SRPK2: variants seen among roughly 807,000 people sequenced by gnomAD.
The protein encoded by SRPK2 is SRSF protein kinase 2, also known as SFRS protein kinase 2.
In SRPK2, 21 loss-of-function variants were observed where a neutral mutation model predicts 90.8. That is an observed-to-expected ratio of 0.23 (90% CI 0.16 to 0.33). The LOEUF (loss-of-function observed/expected upper bound fraction) is 0.33, where lower values mean the gene tolerates loss of function less well. SRPK2 is among the 10% of genes least tolerant of loss of function. The pLI, the probability that SRPK2 is intolerant of heterozygous loss-of-function variation, is 1.00. For missense variants in SRPK2, 620 were observed against 869.0 expected, an observed-to-expected ratio of 0.71 and a Z score of 3.60; for synonymous variants, 288 against 311.1, an observed-to-expected ratio of 0.93 and a Z score of 0.78.
intron 2 of SRPK2, among the ~76,000 whole-genome samples, chr7:105,345,217 G>C (rs1816319487): frequency 6.6e-6 from 1 of 151,792 alleles, no homozygotes; most frequent in Admixed American, 6.6e-5. Context: ...AGGGAGGAAA[G>C]GAAACTTGCT....
chr7:105,211,497 C>T (rs191604692), intron 2 of SRPK2, among the ~76,000 whole-genome samples: 5 of 152,182 alleles, frequency 3.3e-5, no homozygotes, highest in African/African-American at 1.2e-4. Flanking sequence ...AGGAAACTTA[C>T]AATCATGGTG....
chr7:105,331,308 CAAAAAAAAA>C (rs57653042), intron 2 of SRPK2, among the ~76,000 whole-genome samples: 312 of 45,086 alleles, frequency 6.9e-3, no homozygotes, highest in Middle Eastern at 0.028. Context: ...GACTCCGTCT[CAAAAAAAAA>C]AAAAAAAAAA....
At chr7:105,393,813 C>T (rs57212372), upstream of SRPK2, among the ~76,000 whole-genome samples, 429 of 152,136 alleles carry the variant, frequency 2.8e-3, 10 homozygotes, top group East Asian at 0.055. Flanking sequence ...TTTATAATTT[C>T]AGCATTTTGG....
intron 3 of SRPK2, among the ~76,000 whole-genome samples, chr7:105,199,748 T>C (rs1405376290): frequency 1.3e-5 from 2 of 152,170 alleles, no homozygotes; most frequent in Non-Finnish European, 2.9e-5. Flanking sequence ...TCAAAACATA[T>C]GTAAATATAT....
chr7:105,304,525 A>G (rs1340159008), intron 2 of SRPK2: 1 of 152,262 alleles, frequency 6.6e-6, no homozygotes, highest in Non-Finnish European at 1.5e-5. Flanking sequence ...TAAACCACAG[A>G]AAGTGCACAG....
At chr7:105,170,957 AAGAAAGAAAG>A (rs1176799935) in intron 3 of SRPK2, among the ~76,000 whole-genome samples, 1,604 of 43,512 alleles carry the variant, frequency 0.037, 176 homozygotes, top group South Asian at 0.12. Flanking sequence ...GAAAGAAAGA[AAGAAAGAAAG>A]AGAAAGAAAG....
At chr7:105,265,048 A>C (rs1013028175) in intron 2 of SRPK2, among the ~76,000 whole-genome samples, 31 of 152,262 alleles carry the variant, frequency 2.0e-4, no homozygotes, top group African/African-American at 7.0e-4. Context: ...TTCACACAGG[A>C]TTCTTCTGGG....
chr7:105,223,698 A>G (rs1028354253), intron 2 of SRPK2, among the ~76,000 whole-genome samples: 1 of 152,194 alleles, frequency 6.6e-6, no homozygotes, highest in Non-Finnish European at 1.5e-5. Context: ...TTCCACATAC[A>G]TCTCTCTCCT....
intron 2 of SRPK2, among the ~76,000 whole-genome samples, chr7:105,240,516 T>A (rs543075807): frequency 6.6e-5 from 10 of 152,034 alleles, no homozygotes; most frequent in Non-Finnish European, 1.5e-4. Flanking sequence ...GGTATAGAAA[T>A]CATGTGATTT....
chr7:105,250,408 A>AC (rs1220411403), intron 2 of SRPK2, among the ~76,000 whole-genome samples: 1 of 51,020 alleles, frequency 2.0e-5, no homozygotes, highest in Non-Finnish European at 6.7e-5. Flanking sequence ...ACAATGCAAG[A>AC]AAAAAAAAAC....
chr7:105,352,333 C>T (rs1008858307), intron 2 of SRPK2, among the ~76,000 whole-genome samples: 4 of 152,120 alleles, frequency 2.6e-5, no homozygotes, highest in African/African-American at 7.2e-5. Flanking sequence ...AAAATGTAAC[C>T]GCAGCTTCCT....
At chr7:105,235,460 T>TTA (rs1357384380) in intron 2 of SRPK2, among the ~76,000 whole-genome samples, 2 of 150,846 alleles carry the variant, frequency 1.3e-5, no homozygotes, top group African/African-American at 4.9e-5. Flanking sequence ...TTGTCTGGGA[T>TTA]TGTGTGTGTG....
At chr7:105,264,292 C>T (rs1310288512) in intron 2 of SRPK2, among the ~76,000 whole-genome samples, 1 of 152,130 alleles carries the variant, frequency 6.6e-6, no homozygotes, top group Non-Finnish European at 1.5e-5. Context: ...ATCCACACAT[C>T]GCTATGTATC....
chr7:105,259,865 C>T (rs529737433), intron 2 of SRPK2, among the ~76,000 whole-genome samples: 3 of 152,316 alleles, frequency 2.0e-5, no homozygotes, highest in East Asian at 1.9e-4. Context: ...CCCTTCCCTA[C>T]ACCATATACA....
At position 105,147,768 on chromosome 7, in the gene SRPK2, A is replaced by T. The variant is rs1392161013; in HGVS notation, c.622-1110T>A. 5.7e-4 allele frequency among the ~76,000 whole-genome samples: 86 copies of T among 152,210 alleles called. 1 individual carries two copies. The highest frequency in any genetic ancestry group is 5.9e-5 in the Non-Finnish European group (4 of 68,046). On this transcript the variant is annotated intron_variant, in intron 7 of 15. Transcript: ENST00000393651. ...ATTCTGGACATTTCCTATAAATGGA[A>T]TCATATAAAGTATTTTTTTGTAACT...
rs146506719 is a variant in SRPK2 at position 105,174,735 on chromosome 7, A to G, written c.230-5470T>C. On this transcript the variant is annotated intron_variant, in intron 3 of 15. Coordinates refer to ENST00000393651, the MANE Select transcript of SRPK2 (RefSeq NM_182692.3). ...TTTGAACACACTATCAACCAGCTTG[A>G]CCTAATTACCATTTATAGATCACTA... Among the ~76,000 whole-genome samples, 463 of 152,316 alleles carry G rather than the reference A, an allele frequency of 3.0e-3. 13 individuals carry two copies. The East Asian group carries it at 0.061, about 20-fold the overall frequency.
chr7:105,271,560 G>A (rs1267042177), intron 2 of SRPK2, among the ~76,000 whole-genome samples: 1 of 152,084 alleles, frequency 6.6e-6, no homozygotes, highest in African/African-American at 2.4e-5. Context: ...CCCCACATTC[G>A]TGAAGAATTC....
chr7:105,278,314 C>CA (rs34389951), intron 2 of SRPK2, among the ~76,000 whole-genome samples: 1,775 of 104,014 alleles, frequency 0.017, 23 homozygotes, highest in African/African-American at 0.04. Context: ...GATTCTGTCT[C>CA]AAAAAAAAAA....
At chr7:105,178,582 CAT>C (rs1157096579) in intron 3 of SRPK2, among the ~76,000 whole-genome samples, 3 of 151,940 alleles carry the variant, frequency 2.0e-5, no homozygotes, top group Non-Finnish European at 2.9e-5. Context: ...GATAATCACA[CAT>C]GAGGCAGGAG....
Sources: allele counts gnomAD v4.1 joint callset (sites outside exome capture counted in the v4.1 genomes callset), GRCh38; gene constraint gnomAD v4.1.1; transcripts MANE v1.5; gene names NCBI Gene and HGNC (gene_info 2026-07-23, HGNC 2026-07-21).